Variants in RXFP1 observed in about 807,000 individuals in gnomAD.
RXFP1 encodes relaxin receptor 1.
Under a neutral mutation model 89.8 loss-of-function variants are expected in RXFP1, and 73 were observed. The ratio of observed to expected loss-of-function variants is 0.81; its 90% CI spans 0.67 to 0.99. The LOEUF is 0.99. Ranked by LOEUF, RXFP1 falls within the 50% of genes least tolerant of loss-of-function variation. The probability of loss-of-function intolerance (pLI) is 0.00; values close to 1 mark genes in which losing one functional copy is unlikely to be tolerated. For missense variants in RXFP1, 793 were observed against 895.5 expected (o/e 0.89, Z 1.46); for synonymous variants, 277 against 305.5 (o/e 0.91, Z 0.97).
At chr4:158,610,670 G>T in intron 6 of RXFP1, 2 of 1,289,522 alleles carry the variant, frequency 1.6e-6, no homozygotes, top group South Asian at 1.2e-5. Context: ...AAAATGAAGA[G>T]GACTGGGCAA....
intron 1 of RXFP1, among the ~76,000 whole-genome samples, chr4:158,567,675 T>G (rs1753901074): frequency 6.6e-6 from 1 of 152,154 alleles, no homozygotes; most frequent in African/African-American, 2.4e-5. Flanking sequence ...ATTGGTACTC[T>G]GTATCTAGCT....
intron 1 of RXFP1, among the ~76,000 whole-genome samples, chr4:158,564,656 T>C (rs1312157058): frequency 6.6e-6 from 1 of 152,216 alleles, no homozygotes; most frequent in African/African-American, 2.4e-5. Context: ...TTTAGGCTGG[T>C]TCAGGACTAA....
At chr4:158,546,358 A>G (rs1451592481) in intron 1 of RXFP1, among the ~76,000 whole-genome samples, 1 of 152,052 alleles carries the variant, frequency 6.6e-6, no homozygotes, top group Non-Finnish European at 1.5e-5. Flanking sequence ...GGGCTGAGAC[A>G]ATGGGGTTTT....
chr4:158,626,156 A>ATAGT (rs1220350284), intron 9 of RXFP1, among the ~76,000 whole-genome samples: 26 of 144,702 alleles, frequency 1.8e-4, no homozygotes, highest in African/African-American at 6.1e-4. Context: ...AGATAGATAG[A>ATAGT]TAGATAGATA....
At chr4:158,642,955 T>A (rs548306338) in intron 14 of RXFP1, among the ~76,000 whole-genome samples, 2 of 152,144 alleles carry the variant, frequency 1.3e-5, no homozygotes, top group African/African-American at 4.8e-5. Flanking sequence ...GAGGAAGCCA[T>A]GTTTGATTTA....
Position 158,648,516 on chromosome 4 carries a change from T to C in RXFP1, c.1774T>C (p.Phe592Leu), listed in dbSNP as rs769990603. 1.9e-6 allele frequency: 3 copies of C among 1,602,764 alleles called. No individual in the cohort carries two copies. The highest frequency in any genetic ancestry group is 2.2e-5 in the South Asian group (2 of 89,056). Residue 592 changes from phenylalanine (F) to leucine (L), a missense_variant, in exon 17 of 18, where the codon TTT (phenylalanine) becomes CTT (leucine). Coordinates refer to ENST00000307765, the MANE Select transcript of RXFP1 (RefSeq NM_021634.4). ...CCAAATAGGTATTAATTTGGCCGCATTTATCATCATAGTTTTTTCCTATGG... is the reference window on the plus strand; with the variant it reads ...CCAAATAGGTATTAATTTGGCCGCACTTATCATCATAGTTTTTTCCTATGG... ...AIFLGINLAAFIIIVFSYGSM... is the reference protein window; with the variant it reads ...AIFLGINLAALIIIVFSYGSM...
At chr4:158,626,128 A>ATAGATAGATAGATAGATAGATAGT in intron 9 of RXFP1, among the ~76,000 whole-genome samples, 2 of 136,654 alleles carry the variant, frequency 1.5e-5, no homozygotes, top group African/African-American at 5.3e-5. Context: ...AGATAGATAG[A>ATAGATAGATAGATAGATAGATAGT]TAGATAGATA....
At chr4:158,574,310 C>A (rs1755767983) in intron 2 of RXFP1, among the ~76,000 whole-genome samples, 1 of 152,068 alleles carries the variant, frequency 6.6e-6, no homozygotes, top group Non-Finnish European at 1.5e-5. Context: ...GTATTTCAGG[C>A]TTTTTAAGAA....
At chr4:158,595,038 T>C (rs956627492) in intron 3 of RXFP1, among the ~76,000 whole-genome samples, 1 of 152,226 alleles carries the variant, frequency 6.6e-6, no homozygotes, top group Non-Finnish European at 1.5e-5. Context: ...ATGTATTATG[T>C]AGGCAATGAT....
At position 158,648,732 on chromosome 4, in the gene RXFP1, A is replaced by T. The variant is rs765885050; in HGVS notation, c.1975+15A>T. The T allele has an allele frequency of 3.6e-6, 5 of 1,405,678 alleles. No homozygotes were observed. In the South Asian group the frequency reaches 4.9e-5, roughly 14 times the overall value. The allele number at this position is 1,405,678 out of a possible 1,614,324, so 87.1% of individuals were successfully genotyped here. ...AGAAATACCAGGTACAATATTTTTT[A>T]ATCTCCTTAAAGAAATAATAAATCT... On this transcript the variant is annotated intron_variant, in intron 17 of 17. Transcript: ENST00000307765.
chr4:158,637,589 T>C (rs1253955582), intron 12 of RXFP1, among the ~76,000 whole-genome samples: 4 of 152,194 alleles, frequency 2.6e-5, no homozygotes. Context: ...AGCTTATTTG[T>C]TTTCTTGCTG....
At chr4:158,627,254 T>C (rs7698410) in intron 10 of RXFP1, among the ~76,000 whole-genome samples, 33,660 of 152,018 alleles carry the variant, frequency 0.22, 5,517 homozygotes, top group African/African-American at 0.46. Flanking sequence ...ATTCACATGG[T>C]ATTTTCTGTT....
At chr4:158,620,177 T>A (rs990560412) in intron 9 of RXFP1, among the ~76,000 whole-genome samples, 1 of 151,984 alleles carries the variant, frequency 6.6e-6, no homozygotes. Flanking sequence ...AAACAAAAAA[T>A]TATTTCAACA....
chr4:158,617,848 A>G (rs1206485018), intron 9 of RXFP1, among the ~76,000 whole-genome samples: 1 of 152,144 alleles, frequency 6.6e-6, no homozygotes, highest in East Asian at 1.9e-4. Context: ...CTTATTTTAT[A>G]AGAAATTCTC....
chr4:158,649,938 CCATGTT>C (rs1772325484), intron 17 of RXFP1, among the ~76,000 whole-genome samples: 2 of 152,164 alleles, frequency 1.3e-5, no homozygotes, highest in Non-Finnish European at 2.9e-5. Context: ...ATTTGTACAC[CCATGTT>C]CATTGCAGCA....
At chr4:158,541,848 A>C (rs974075250) in intron 1 of RXFP1, among the ~76,000 whole-genome samples, 9 of 151,880 alleles carry the variant, frequency 5.9e-5, no homozygotes, top group African/African-American at 2.2e-4. Context: ...CATGAAGTCT[A>C]TATTTATATT....
chr4:158,563,786 A>G (rs773645515), intron 1 of RXFP1, among the ~76,000 whole-genome samples: 64 of 151,272 alleles, frequency 4.2e-4, no homozygotes, highest in Non-Finnish European at 7.2e-4. Context: ...TAAGATTACA[A>G]TGGAGCCAAA....
chr4:158,544,471 T>C (rs531141957), intron 1 of RXFP1: 25 of 556,738 alleles, frequency 4.5e-5, no homozygotes, highest in Non-Finnish European at 5.5e-5. Context: ...TATTATACTT[T>C]AAGTTTTAGG....
chr4:158,643,386 A>C (rs1000098069), intron 14 of RXFP1, among the ~76,000 whole-genome samples: 1 of 151,382 alleles, frequency 6.6e-6, no homozygotes, highest in Non-Finnish European at 1.5e-5. Flanking sequence ...TGCAATAAAC[A>C]TGGGGGTGCA....
Sources: gnomAD v4.1 joint callset for allele counts (sites outside exome capture counted in the v4.1 genomes callset) on GRCh38, gnomAD v4.1.1 for gene constraint, MANE v1.5 for transcripts, NCBI Gene and HGNC (gene_info 2026-07-23, HGNC 2026-07-21) for gene names.